The following FAM184A variants were observed in gnomAD, a reference collection of about 807,000 sequenced individuals.
FAM184A encodes family with sequence similarity 184 member A.
In FAM184A, 99 loss-of-function variants were observed where a neutral mutation model predicts 143.8. That is an observed-to-expected ratio of 0.69 (90% confidence interval 0.58 to 0.81). FAM184A has a LOEUF of 0.81. FAM184A is among the 40% of genes least tolerant of loss of function. The pLI is 0.00. For missense variants in FAM184A, 1,217 were observed against 1,310.5 expected (o/e 0.93, Z 1.10); for synonymous variants, 427 against 446.4 (o/e 0.96, Z 0.55).
intron 1 of FAM184A, among the ~76,000 whole-genome samples, chr6:119,139,612 G>A (rs1772141475): frequency 1.4e-5 from 2 of 143,226 alleles, no homozygotes; most frequent in African/African-American, 5.1e-5. Flanking sequence ...ATTTCTTAAA[G>A]TATTATACGT....
rs539388804 is a variant in FAM184A, at chr6:118,977,032, G to A, written c.2456-988C>T. On this transcript the variant is annotated intron_variant, in intron 11 of 17. Transcript: ENST00000338891. ...GCAGCTGCCATATGACCCAGCAACC[G>A]CACTCCTAGGCACTTATCCCAGAGA... Among the ~76,000 whole-genome samples, 112 of 152,244 alleles carry A rather than the reference G, an allele frequency of 7.4e-4. 2 individuals are homozygous for A. The highest frequency in any genetic ancestry group is 4.4e-3 in the South Asian group (21 of 4,816).
chr6:119,128,509 C>T (rs1277984352), intron 1 of FAM184A, among the ~76,000 whole-genome samples: 1 of 152,054 alleles, frequency 6.6e-6, no homozygotes, highest in African/African-American at 2.4e-5. Flanking sequence ...AGCAGGGGCT[C>T]TGTGCCTGGT....
Position 119,078,553 on chromosome 6 carries a change from G to T in FAM184A, c.-254C>A, listed in dbSNP as rs1787966374. 3.4e-6 allele frequency: 1 copy of T among 291,712 alleles called. No individual in the cohort carries two copies. The highest frequency in any genetic ancestry group is 5.7e-5 in the East Asian group (1 of 17,556). The allele number at this position is 291,712 out of a possible 1,614,324, so 18.1% of individuals were successfully genotyped here. ...TGCCCGGGGTTGGGCGGCGGCGGCC[G>T]GGGGCCGGGCCAGCTCTTGGAGGCT... On this transcript the variant is annotated 5_prime_UTR_variant, in exon 1 of 18. Transcript: ENST00000338891. The surrounding 1 kb of genome is among the most constrained non-coding windows in gnomAD (Gnocchi z 5.5).
intron 1 of FAM184A, among the ~76,000 whole-genome samples, chr6:119,069,707 G>A (rs1448479646): frequency 6.6e-6 from 1 of 152,108 alleles, no homozygotes; most frequent in Non-Finnish European, 1.5e-5. Flanking sequence ...ACAATGATCT[G>A]GAGTTGATGA....
intron 9 of FAM184A, among the ~76,000 whole-genome samples, chr6:118,991,845 C>G (rs1784390149): frequency 6.9e-6 from 1 of 145,334 alleles, no homozygotes; most frequent in Non-Finnish European, 1.5e-5. Flanking sequence ...TCTCTGCAAG[C>G]TCCGCCTCCC....
At chr6:118,964,319 G>T (rs1269673452) in intron 16 of FAM184A, among the ~76,000 whole-genome samples, 1 of 152,114 alleles carries the variant, frequency 6.6e-6, no homozygotes, top group Non-Finnish European at 1.5e-5. Context: ...TGGGTATCCA[G>T]GGCTGGAGTC....
intron 1 of FAM184A, among the ~76,000 whole-genome samples, chr6:119,131,648 A>T (rs1425794039): frequency 2.0e-5 from 3 of 152,006 alleles, no homozygotes; most frequent in African/African-American, 7.3e-5. Context: ...ACTATGCTAG[A>T]CTAATTTAAA....
chr6:118,994,154 CCAATTTGCA>C (rs1442289253), intron 9 of FAM184A, among the ~76,000 whole-genome samples: 1 of 152,136 alleles, frequency 6.6e-6, no homozygotes, highest in Non-Finnish European at 1.5e-5. Flanking sequence ...AATTTAACAC[CCAATTTGCA>C]GTTCAGATTG....
At chr6:119,146,397 CGTGTGT>C (rs60937351) in intron 1 of FAM184A, among the ~76,000 whole-genome samples, 2,433 of 136,354 alleles carry the variant, frequency 0.018, 19 homozygotes, top group East Asian at 0.042. Flanking sequence ...GATTAACTTA[CGTGTGT>C]GTGTGTGTGT....
At chr6:119,101,069 C>CTT (rs34570036) in intron 1 of FAM184A, among the ~76,000 whole-genome samples, 28,300 of 139,576 alleles carry the variant, frequency 0.2, 3,993 homozygotes, top group East Asian at 0.39. Flanking sequence ...AATGCACTTT[C>CTT]TTTTTTTTTT....
chr6:119,024,921 G>A, intron 1 of FAM184A, 108 bp from the exon 2 acceptor site: 3 of 1,024,942 alleles, frequency 2.9e-6, no homozygotes, highest in Non-Finnish European at 4.2e-6. Context: ...ACATAATATT[G>A]GCTACAGCTA....
Position 119,078,370 on chromosome 6 carries a change from G to A in FAM184A, c.-71C>T. Reference sequence around the variant, plus strand: ...GCAGGCCCGTGGAGCAACGACGCCCGGGAGGCAAGAGTCGCGGCGGCCGCT... The same window carrying A: ...GCAGGCCCGTGGAGCAACGACGCCCAGGAGGCAAGAGTCGCGGCGGCCGCT... On this transcript the variant is annotated 5_prime_UTR_variant, in exon 1 of 18. Transcript: ENST00000338891. The surrounding 1 kb of genome is among the most constrained non-coding windows in gnomAD (Gnocchi z 5.5). 7.4e-7 allele frequency: 1 copy of A among 1,345,948 alleles called. No homozygotes were observed. Among genetic ancestry groups the A allele is most frequent in the Non-Finnish European group, 9.5e-7 (1 of 1,047,528 alleles). The allele number at this position is 1,345,948 out of a possible 1,614,324, so 83.4% of individuals were successfully genotyped here.
Position 119,002,884 on chromosome 6 carries a change from C to A in FAM184A, c.2088+15G>T, listed in dbSNP as rs1200782072. The A allele has an allele frequency of 6.3e-7, 1 of 1,597,636 alleles. No homozygotes were observed. The highest frequency in any genetic ancestry group is 8.5e-7 in the Non-Finnish European group (1 of 1,173,762). Reference sequence around the variant, plus strand: ...AAGGGAGATGAAACTTCATCATGTACACATTATTAATTACCTGGTTTAAGA... The same window carrying A: ...AAGGGAGATGAAACTTCATCATGTAAACATTATTAATTACCTGGTTTAAGA... On this transcript the variant is annotated intron_variant, in intron 9 of 17. Transcript: ENST00000338891.
At chr6:119,044,555 C>G (rs1203062499) in intron 1 of FAM184A, among the ~76,000 whole-genome samples, 2 of 150,736 alleles carry the variant, frequency 1.3e-5, no homozygotes, top group African/African-American at 4.9e-5. Flanking sequence ...TGCATTTCAG[C>G]CTGGGTAACA....
intron 9 of FAM184A, among the ~76,000 whole-genome samples, chr6:118,998,199 TA>T (rs1784632485): frequency 6.6e-6 from 1 of 152,242 alleles, no homozygotes. Flanking sequence ...TCAACTTTAA[TA>T]TTTTCTTCTC....
intron 1 of FAM184A, among the ~76,000 whole-genome samples, chr6:119,061,275 G>A (rs1787226434): frequency 6.6e-6 from 1 of 152,134 alleles, no homozygotes; most frequent in Admixed American, 6.6e-5. Context: ...TTGATGAACT[G>A]TGTGAAAATG....
At chr6:119,009,788 T>C (rs545432073) in intron 6 of FAM184A, among the ~76,000 whole-genome samples, 1 of 152,230 alleles carries the variant, frequency 6.6e-6, no homozygotes, top group Non-Finnish European at 1.5e-5. Context: ...GTAGGGACCA[T>C]GTCTGACTGA....
chr6:119,057,514 G>A (rs1207355550), intron 1 of FAM184A, among the ~76,000 whole-genome samples: 2 of 152,194 alleles, frequency 1.3e-5, no homozygotes, highest in East Asian at 3.9e-4. Context: ...CAAGACAAGA[G>A]GATTGCCTGA....
In FAM184A at chr6:118,966,900, T is replaced by C. The variant is rs200483949; in HGVS notation, c.2968A>G (p.Ile990Val). Residue 990 changes from isoleucine (I) to valine (V), a missense_variant, in exon 15 of 18, where the codon ATA becomes GTA. By Grantham distance (29) the Ile-to-Val change is conservative (BLOSUM62 3). Coordinates refer to ENST00000338891, the MANE Select transcript of FAM184A (RefSeq NM_024581.6). ...GCTTTTAATTCTGTAATCATCTGTA[T>C]ATCTTCTGGTTTTGATTCTCTCATT... The part of the protein sequence containing the change: ...YLMRESKPED[I>V]QMITELKAML... 462 of 1,590,142 alleles carry C rather than the reference T, an allele frequency of 2.9e-4. No homozygotes were observed. Among genetic ancestry groups the C allele is most frequent in the Non-Finnish European group, 3.9e-4 (452 of 1,161,348 alleles).
Sources: allele counts gnomAD v4.1 joint callset (sites outside exome capture counted in the v4.1 genomes callset), GRCh38; gene constraint gnomAD v4.1.1; non-coding constraint Gnocchi (gnomAD v3.1); transcripts MANE v1.5; gene names NCBI Gene and HGNC (gene_info 2026-07-23, HGNC 2026-07-21).